Variants in TPRG1 observed in about 807,000 individuals in gnomAD.
The protein encoded by TPRG1 is tumor protein p63 regulated 1.
In TPRG1, 29 loss-of-function variants were observed where a neutral mutation model predicts 29.3. The observed-to-expected ratio is 0.99, with a 90% CI of 0.74 to 1.35. TPRG1 has a LOEUF of 1.35. TPRG1 is among the 40% of genes most tolerant of loss of function. TPRG1 has a pLI of 0.00. For synonymous variants in TPRG1, 130 were observed against 116.8 expected, an observed-to-expected ratio of 1.11 and a Z score of -0.73; for missense variants, 327 against 335.0, an observed-to-expected ratio of 0.98 and a Z score of 0.19.
At chr3:189,097,957 G>T (rs116636406), upstream of TPRG1, among the ~76,000 whole-genome samples, 46 of 152,232 alleles carry the variant, frequency 3.0e-4, no homozygotes, top group South Asian at 1.9e-3. Flanking sequence ...AGTAAAAAAG[G>T]CCTGTTTGTA....
chr3:189,156,799 A>G (rs1364930188), intron 5 of TPRG1, among the ~76,000 whole-genome samples: 1 of 152,034 alleles, frequency 6.6e-6, no homozygotes, highest in Non-Finnish European at 1.5e-5. Flanking sequence ...TTAGACATAT[A>G]TTTCTTATTT....
chr3:189,027,023 T>A lies in TPRG1; in HGVS notation c.-463+3077T>A, dbSNP rs565379756. On this transcript the variant is annotated intron_variant, in intron 4 of 10. Transcript: ENST00000433971. ...TGTAAGTAAAATGTGCTGATCAATGTGTTAACAGTATTAGATGAGTCAATA... is the reference window on the plus strand; with the variant it reads ...TGTAAGTAAAATGTGCTGATCAATGAGTTAACAGTATTAGATGAGTCAATA... 4.3e-4 allele frequency among the ~76,000 whole-genome samples: 66 copies of A among 152,338 alleles called. 1 individual carries two copies. The South Asian group carries it at 0.013, about 31-fold the overall frequency.
intron 5 of TPRG1, among the ~76,000 whole-genome samples, chr3:189,163,306 T>C (rs2108637120): frequency 6.6e-6 from 1 of 152,160 alleles, no homozygotes; most frequent in South Asian, 2.1e-4. Flanking sequence ...AACATGGGGT[T>C]CTTACTTTTT....
rs144081590 is a variant in TPRG1 at position 189,223,867 on chromosome 3, T to G, written c.302+8484T>G. Reference sequence around the variant, plus strand: ...AAGAGTTGGCTTTTAATTATTATTATTAGTAGTAATATTTATTTATATTCA... The same window carrying G: ...AAGAGTTGGCTTTTAATTATTATTAGTAGTAGTAATATTTATTTATATTCA... On this transcript the variant is annotated intron_variant, in intron 3 of 5. Transcript: ENST00000345063. Among the ~76,000 whole-genome samples, 378 of 152,284 alleles carry G rather than the reference T, an allele frequency of 2.5e-3. 1 individual carries two copies. The highest frequency in any genetic ancestry group is 9.8e-3 in the East Asian group (51 of 5,184).
chr3:189,258,159 T>A (rs1712248378), intron 4 of TPRG1, among the ~76,000 whole-genome samples: 1 of 152,222 alleles, frequency 6.6e-6, no homozygotes, highest in South Asian at 2.1e-4. Flanking sequence ...TGGTCTTTGC[T>A]GTTGGTGACC....
chr3:189,315,006 T>C (rs1424679116), intron 5 of TPRG1, among the ~76,000 whole-genome samples: 3 of 152,102 alleles, frequency 2.0e-5, no homozygotes, highest in Non-Finnish European at 4.4e-5. Context: ...GTACCAGTAT[T>C]CCCATTCCAG....
intron 3 of TPRG1, among the ~76,000 whole-genome samples, chr3:189,234,813 C>T (rs1414860286): frequency 6.6e-6 from 1 of 152,150 alleles, no homozygotes; most frequent in Non-Finnish European, 1.5e-5. Context: ...TATACAATAG[C>T]ATCCAAGGTA....
At chr3:189,140,691 T>C (rs1447646306) in intron 3 of TPRG1, among the ~76,000 whole-genome samples, 1 of 152,188 alleles carries the variant, frequency 6.6e-6, no homozygotes, top group Non-Finnish European at 1.5e-5. Context: ...CCTTGAGCCT[T>C]TCCTTTGGGT....
chr3:189,176,498 T>C (rs1035877491), intron 1 of TPRG1, among the ~76,000 whole-genome samples: 15 of 152,238 alleles, frequency 9.9e-5, no homozygotes, highest in African/African-American at 2.9e-4. Context: ...ATATTTATAG[T>C]GATACAGAAA....
intron 1 of TPRG1, among the ~76,000 whole-genome samples, chr3:189,109,305 G>C (rs937809599): frequency 6.6e-6 from 1 of 152,198 alleles, no homozygotes; most frequent in African/African-American, 2.4e-5. Context: ...TAGTGCGTGT[G>C]GTGCGGTGTT....
intron 3 of TPRG1, among the ~76,000 whole-genome samples, chr3:189,217,110 G>GCA (rs1194674613): frequency 6.6e-6 from 1 of 152,102 alleles, no homozygotes; most frequent in African/African-American, 2.4e-5. Flanking sequence ...TTTTTATTCA[G>GCA]TGATTATAAA....
At chr3:189,221,892 C>T (rs946998186) in intron 3 of TPRG1, among the ~76,000 whole-genome samples, 16 of 152,128 alleles carry the variant, frequency 1.1e-4, no homozygotes, top group Non-Finnish European at 1.9e-4. Context: ...TATTAAGGGT[C>T]ACAGGAGGGC....
chr3:189,189,410 A>G (rs1224039877), intron 1 of TPRG1, among the ~76,000 whole-genome samples: 1 of 152,136 alleles, frequency 6.6e-6, no homozygotes, highest in East Asian at 1.9e-4. Flanking sequence ...TTCTACCTAA[A>G]CTACATTTAG....
intron 4 of TPRG1, among the ~76,000 whole-genome samples, chr3:189,073,033 T>C (rs999343609): frequency 1.3e-5 from 2 of 152,182 alleles, no homozygotes; most frequent in African/African-American, 4.8e-5. Flanking sequence ...CTGCCCCAGT[T>C]ATTGAATTGA....
chr3:189,067,448 C>T (rs762948907), intron 4 of TPRG1, among the ~76,000 whole-genome samples: 79 of 152,134 alleles, frequency 5.2e-4, no homozygotes, highest in Non-Finnish European at 1.1e-3. Context: ...ACCAAAACAG[C>T]ATGGTACTGG....
In TPRG1 at chr3:189,084,366, A is replaced by G. The variant is rs1717800511; in HGVS notation, c.-462-42691A>G. 3.3e-5 allele frequency among the ~76,000 whole-genome samples: 5 copies of G among 152,172 alleles called. No homozygotes were observed. The South Asian group carries it at 1.0e-3, about 31-fold the overall frequency. ...TACTGAATTAAGAAACTTTCTGCTC[A>G]ATATATATTCTATCATAAAAATAAG... On this transcript the variant is annotated intron_variant, in intron 4 of 10. Coordinates refer to the TPRG1 transcript ENST00000433971.
intron 1 of TPRG1, among the ~76,000 whole-genome samples, chr3:189,193,005 C>T (rs1731931345): frequency 6.6e-6 from 1 of 151,924 alleles, no homozygotes; most frequent in Admixed American, 6.6e-5. Flanking sequence ...ATATAATCTT[C>T]TTTTCTACCT....
intron 3 of TPRG1, among the ~76,000 whole-genome samples, chr3:189,144,899 T>C (rs1406311727): frequency 6.6e-6 from 1 of 152,218 alleles, no homozygotes; most frequent in African/African-American, 2.4e-5. Flanking sequence ...CAGGGTCATG[T>C]CTTACACACT....
At chr3:189,023,300 T>C (rs1449471118) in intron 3 of TPRG1, among the ~76,000 whole-genome samples, 1 of 152,260 alleles carries the variant, frequency 6.6e-6, no homozygotes, top group East Asian at 1.9e-4. Context: ...GCTTTAATAC[T>C]TGTGATTGCA....
Sources: gnomAD v4.1 joint callset for allele counts (sites outside exome capture counted in the v4.1 genomes callset) on GRCh38, gnomAD v4.1.1 for gene constraint, MANE v1.5 for transcripts, NCBI Gene and HGNC (gene_info 2026-07-23, HGNC 2026-07-21) for gene names.